The following RYR2 variants were observed in gnomAD, a reference collection of about 807,000 sequenced individuals.
The protein encoded by RYR2 is cardiac muscle ryanodine receptor-calcium release channel.
Under a neutral mutation model 601.1 loss-of-function variants are expected in RYR2, and 227 were observed. The ratio of observed to expected loss-of-function variants is 0.38; its 90% CI spans 0.34 to 0.42. RYR2 has a LOEUF of 0.42. Ranked by LOEUF, RYR2 falls within the 10% of genes least tolerant of loss-of-function variation. The pLI is 1.00. For missense variants in RYR2, 4,646 were observed against 6,156.5 expected (o/e 0.75, Z 8.21); for synonymous variants, 2,223 against 2,175.1 (o/e 1.02, Z -0.61).
intron 1 of RYR2, among the ~76,000 whole-genome samples, chr1:237,104,096 C>G (rs1454062375): frequency 6.6e-6 from 1 of 152,134 alleles, no homozygotes; most frequent in Non-Finnish European, 1.5e-5. Flanking sequence ...CTCCTCTGGA[C>G]CAGCAAGGGG....
intron 12 of RYR2, among the ~76,000 whole-genome samples, chr1:237,430,300 T>C (rs141406309): frequency 6.6e-6 from 1 of 151,592 alleles, no homozygotes; most frequent in East Asian, 1.9e-4. Context: ...AAAATATCCA[T>C]GAAAATATTG....
chr1:237,659,171 C>T (rs753949791), intron 54 of RYR2, among the ~76,000 whole-genome samples: 4 of 152,192 alleles, frequency 2.6e-5, no homozygotes, highest in Admixed American at 1.3e-4. Context: ...GAGTTTCAAA[C>T]TCTGCCCTGG....
intron 63 of RYR2, among the ~76,000 whole-genome samples, chr1:237,697,194 T>C (rs1476668051): frequency 6.4e-5 from 1 of 15,528 alleles, no homozygotes; most frequent in African/African-American, 6.9e-5. Flanking sequence ...TCCCTGTACC[T>C]GGATCTCCTT....
intron 1 of RYR2, among the ~76,000 whole-genome samples, chr1:237,157,490 T>G (rs1675529354): frequency 6.6e-6 from 1 of 152,184 alleles, no homozygotes; most frequent in South Asian, 2.1e-4. Context: ...AGTCTAAGTG[T>G]CCATCAATGG....
intron 13 of RYR2, among the ~76,000 whole-genome samples, 172 bp downstream of exon 13, chr1:237,441,655 G>A (rs1707912752): frequency 6.6e-6 from 1 of 152,142 alleles, no homozygotes; most frequent in Non-Finnish European, 1.5e-5. Flanking sequence ...AGTGAACAGA[G>A]TTGGATGTTA....
intron 1 of RYR2, among the ~76,000 whole-genome samples, chr1:237,148,577 T>TAC (rs1553316912): frequency 1.0e-4 from 13 of 129,912 alleles, no homozygotes; most frequent in Non-Finnish European, 1.4e-4. Context: ...TATATATATA[T>TAC]ACACACACAT....
intron 84 of RYR2, among the ~76,000 whole-genome samples, chr1:237,767,082 C>A (rs1693904389): frequency 6.6e-6 from 1 of 152,122 alleles, no homozygotes; most frequent in Admixed American, 6.6e-5. Flanking sequence ...CCCAACAGTC[C>A]TATGAAATGA....
chr1:237,281,696 C>G (rs1244983840), intron 2 of RYR2, among the ~76,000 whole-genome samples: 1 of 152,216 alleles, frequency 6.6e-6, no homozygotes, highest in Non-Finnish European at 1.5e-5. Flanking sequence ...AGGCAGTAAG[C>G]TGGTGATGAC....
intron 79 of RYR2, 108 bp from the exon 80 acceptor site, chr1:237,742,188 A>T (rs917493318): frequency 6.4e-5 from 46 of 719,200 alleles, no homozygotes; most frequent in Admixed American, 1.4e-4. Flanking sequence ...AACAAGGTTG[A>T]TGATAAATTA....
intron 2 of RYR2, among the ~76,000 whole-genome samples, chr1:237,276,713 A>G (rs1461078155): frequency 1.3e-5 from 2 of 152,218 alleles, no homozygotes; most frequent in Admixed American, 1.3e-4. Context: ...ACTACATACA[A>G]GTGAACTTTA....
Position 237,702,021 on chromosome 1 carries a change from A to G in RYR2, c.9411A>G (p.Leu3137=). The G allele has an allele frequency of 2.5e-6, 4 of 1,608,806 alleles. No individual in the cohort carries two copies. Among genetic ancestry groups the G allele is most frequent in the Non-Finnish European group, 2.6e-6 (3 of 1,175,416 alleles). The change falls in exon 66 of 105, where the codon TTA becomes TTG. Residue 3137 remains leucine (L), a synonymous_variant. Coordinates refer to ENST00000366574, the MANE Select transcript of RYR2 (RefSeq NM_001035.3). ...CTTGTTATAGAATTCTGACTAGCTTATATGCTTTGGGAACCAGCAAGAGTA... is the reference window on the plus strand; with the variant it reads ...CTTGTTATAGAATTCTGACTAGCTTGTATGCTTTGGGAACCAGCAAGAGTA... ...QVSCYRILTS[L]YALGTSKSIY...
At chr1:237,681,311 C>T (rs751661612) in intron 62 of RYR2, among the ~76,000 whole-genome samples, 1 of 152,164 alleles carries the variant, frequency 6.6e-6, no homozygotes, top group Non-Finnish European at 1.5e-5. Context: ...TACAGACTTT[C>T]CTTGGACTTG....
chr1:237,526,104 C>G (rs953525072), intron 24 of RYR2, among the ~76,000 whole-genome samples: 13 of 151,904 alleles, frequency 8.6e-5, no homozygotes, highest in Admixed American at 2.6e-4. Context: ...ATGCTGTTTC[C>G]CAAAGGGGTT....
intron 36 of RYR2, among the ~76,000 whole-genome samples, chr1:237,613,518 G>T (rs1396972758): frequency 3.9e-5 from 6 of 152,182 alleles, no homozygotes; most frequent in Non-Finnish European, 7.3e-5. Context: ...CCAGTCTGGA[G>T]TACAGTGGCG....
chr1:237,299,972 G>T (rs935299509), intron 2 of RYR2, among the ~76,000 whole-genome samples: 3 of 152,154 alleles, frequency 2.0e-5, no homozygotes, highest in Admixed American at 6.6e-5. Flanking sequence ...GAAGAATGTG[G>T]TTGAGTCATT....
At chr1:237,551,392 A>G (rs1411265410) in intron 27 of RYR2, among the ~76,000 whole-genome samples, 2 of 152,000 alleles carry the variant, frequency 1.3e-5, no homozygotes, top group Non-Finnish European at 2.9e-5. Context: ...TTAGCTGGGC[A>G]TGGTGGCGGA....
chr1:237,550,530 G>C lies in RYR2; in HGVS notation c.3067-14G>C, dbSNP rs757471501. 5 of 1,606,754 alleles carry C rather than the reference G, an allele frequency of 3.1e-6. No homozygotes were observed. In the Admixed American group the frequency reaches 6.8e-5, roughly 22 times the overall value. ...GGTATTGCTTTGACGGCTGCACCCT[G>C]TGTTTTCCTGCAGGACGTAAAGAAC... On this transcript the variant is annotated splice_polypyrimidine_tract_variant and intron_variant, in intron 26 of 104. Coordinates refer to ENST00000366574, the MANE Select transcript of RYR2 (RefSeq NM_001035.3).
At chr1:237,168,296 T>C (rs1572076666) in intron 1 of RYR2, among the ~76,000 whole-genome samples, 1 of 151,968 alleles carries the variant, frequency 6.6e-6, no homozygotes, top group Non-Finnish European at 1.5e-5. Flanking sequence ...AAGTTTGAAC[T>C]TCTTCATGCA....
chr1:237,470,489 A>G (rs911863542), intron 17 of RYR2, among the ~76,000 whole-genome samples: 2 of 152,200 alleles, frequency 1.3e-5, no homozygotes, highest in African/African-American at 4.8e-5. Context: ...TTTGAGTCAT[A>G]GTGAGTTCTT....
Sources: gnomAD v4.1 joint callset for allele counts (sites outside exome capture counted in the v4.1 genomes callset) on GRCh38, gnomAD v4.1.1 for gene constraint, MANE v1.5 for transcripts, NCBI Gene and HGNC (gene_info 2026-07-23, HGNC 2026-07-21) for gene names.